FIGN: variants seen among roughly 807,000 people sequenced by gnomAD.
FIGN encodes the protein fidgetin.
FIGN carries 11 observed loss-of-function variants against 51.3 expected under a neutral mutation model. The observed-to-expected ratio is 0.21, with a 90% CI of 0.13 to 0.35. FIGN has a LOEUF of 0.35. Among genes scored for constraint, FIGN ranks in the 10% least tolerant of loss-of-function variants. The pLI, the probability that FIGN is intolerant of heterozygous loss-of-function variation, is 1.00. For missense variants in FIGN, 857 were observed against 943.6 expected (o/e 0.91, Z 1.20); for synonymous variants, 407 against 363.2 (o/e 1.12, Z -1.37).
intron 2 of FIGN, among the ~76,000 whole-genome samples, chr2:163,706,173 C>T (rs1684496479): frequency 1.3e-5 from 2 of 152,234 alleles, no homozygotes; most frequent in East Asian, 1.9e-4. Flanking sequence ...CACTTTATGG[C>T]TCTAATGTTT....
intron 1 of FIGN, among the ~76,000 whole-genome samples, chr2:163,735,469 G>A (rs1301789687): frequency 6.6e-6 from 1 of 152,134 alleles, no homozygotes; most frequent in East Asian, 1.9e-4. Context: ...GTTAGTTCCC[G>A]AAGAAAGTCT....
At chr2:163,680,450 T>A (rs1013023746) in intron 2 of FIGN, among the ~76,000 whole-genome samples, 1 of 152,110 alleles carries the variant, frequency 6.6e-6, no homozygotes, top group Non-Finnish European at 1.5e-5. Context: ...ACAGCCTCAA[T>A]TCTCTGTAGC....
At chr2:163,687,369 A>G (rs1684166972) in intron 2 of FIGN, among the ~76,000 whole-genome samples, 1 of 152,196 alleles carries the variant, frequency 6.6e-6, no homozygotes, top group African/African-American at 2.4e-5. Context: ...TTTGAGTGCT[A>G]GTTTAGAGAG....
At position 163,608,276 on chromosome 2, in the gene FIGN, AGTTGGTTTGTTG is replaced by A. The variant is rs1171067768; in HGVS notation, c.*1264_*1275del. The A allele has an allele frequency of 1.3e-5, 2 of 152,670 alleles. No individual in the cohort carries two copies. Among genetic ancestry groups the A allele is most frequent in the South Asian group, 4.1e-4 (2 of 4,824 alleles). 9.5% of individuals were successfully genotyped at this position (152,670 alleles called of 1,614,324 possible). A position where few individuals can be genotyped will look rare whatever the true frequency, so the allele number is the denominator to read the frequency against. ...TTGTGGATATATATATGTGTATGTA[AGTTGGTTTGTTG>A]GTTGGTTTTTGTTTTTATTTATTTG... is the stretch of plus-strand genomic sequence containing the variant. On this transcript the variant is annotated 3_prime_UTR_variant, in exon 3 of 3. Coordinates refer to ENST00000333129, the MANE Select transcript of FIGN (RefSeq NM_018086.4).
intron 2 of FIGN, among the ~76,000 whole-genome samples, chr2:163,648,463 T>A (rs1432857773): frequency 6.6e-6 from 1 of 152,200 alleles, no homozygotes; most frequent in Non-Finnish European, 1.5e-5. Flanking sequence ...TTTCCTGTCA[T>A]TAGGGATTTA....
At chr2:163,652,057 A>G (rs889385481) in intron 2 of FIGN, among the ~76,000 whole-genome samples, 1 of 152,148 alleles carries the variant, frequency 6.6e-6, no homozygotes, top group Non-Finnish European at 1.5e-5. Context: ...AAACTTTGTT[A>G]ATGACTACTT....
chr2:163,628,530 C>T (rs1024578529), intron 2 of FIGN, among the ~76,000 whole-genome samples: 3 of 152,044 alleles, frequency 2.0e-5, no homozygotes, highest in African/African-American at 7.2e-5. Flanking sequence ...ATCCTACTGC[C>T]AACATAAAGT....
intron 2 of FIGN, among the ~76,000 whole-genome samples, chr2:163,696,424 C>T (rs1342281048): frequency 1.3e-5 from 2 of 152,064 alleles, no homozygotes; most frequent in Non-Finnish European, 2.9e-5. Flanking sequence ...ACCTCACAAT[C>T]GTTTACTTAT....
Position 163,610,196 on chromosome 2 carries a change from T to G in FIGN, c.1636A>C (p.Thr546Pro), listed in dbSNP as rs1691208272. Residue 546 changes from threonine (T) to proline (P), a missense_variant, in exon 3 of 3, where the codon ACA (threonine) becomes CCA (proline). Physicochemically the swap from Thr to Pro is conservative, Grantham distance 38. Transcript: ENST00000333129. ...GRCIASQLGATFFKIAGSGLV... is the reference protein window; with the variant it reads ...GRCIASQLGAPFFKIAGSGLV... ...CCAGAACCGGCAATTTTGAAAAATG[T>G]GGCCCCCAGCTGACTAGCGATGCAT... The G allele has an allele frequency of 1.2e-6, 2 of 1,613,998 alleles. No individual in the cohort carries two copies. Among genetic ancestry groups the G allele is most frequent in the Non-Finnish European group, 8.5e-7 (1 of 1,180,012 alleles).
At chr2:163,657,067 C>A (rs1683570541) in intron 2 of FIGN, among the ~76,000 whole-genome samples, 3 of 147,398 alleles carry the variant, frequency 2.0e-5, no homozygotes, top group Admixed American at 1.4e-4. Flanking sequence ...CTGTATTTTT[C>A]TTTTGTCCTC....
chr2:163,670,311 G>T (rs981214430), intron 2 of FIGN, among the ~76,000 whole-genome samples: 20 of 151,934 alleles, frequency 1.3e-4, no homozygotes, highest in African/African-American at 4.6e-4. Flanking sequence ...AATGAGTGTT[G>T]GTCACTTAGA....
At position 163,604,936 on chromosome 2, in the gene FIGN, C is replaced by CTTTTTTTTTTTTTTTTT. The variant is rs71410075; in HGVS notation, c.*4599_*4615dup. On this transcript the variant is annotated 3_prime_UTR_variant, in exon 3 of 3. Coordinates refer to ENST00000333129, the MANE Select transcript of FIGN (RefSeq NM_018086.4). Reference sequence around the variant, plus strand: ...TTTTAAGCCCAGAAATAAACTTTTGCTTTTTTTTTTTTTTTTTTTGTATCA... The same window carrying CTTTTTTTTTTTTTTTTT: ...TTTTAAGCCCAGAAATAAACTTTTGCTTTTTTTTTTTTTTTTTTTTTTTTTTTTTTTTTTTTGTATCA... 6 of 94,258 alleles carry CTTTTTTTTTTTTTTTTT rather than the reference C, an allele frequency of 6.4e-5. No individual in the cohort carries two copies. The highest frequency in any genetic ancestry group is 1.1e-4 in the Non-Finnish European group (6 of 53,126). The allele number at this position is 94,258 out of a possible 1,614,324, so 5.8% of individuals were successfully genotyped here. A position where few individuals can be genotyped will look rare whatever the true frequency, so the allele number is the denominator to read the frequency against.
At chr2:163,612,849 T>C (rs16848713) in intron 2 of FIGN, among the ~76,000 whole-genome samples, 21,095 of 151,364 alleles carry the variant, frequency 0.14, 1,771 homozygotes, top group Admixed American at 0.22. Flanking sequence ...AGAGAGATTC[T>C]GGATTCTAAC....
chr2:163,723,711 T>C (rs1002299972), intron 2 of FIGN, among the ~76,000 whole-genome samples: 4 of 152,220 alleles, frequency 2.6e-5, no homozygotes, highest in African/African-American at 9.6e-5. Flanking sequence ...TTTTAAGGAT[T>C]TGAGGTTTCT....
At chr2:163,709,300 G>A (rs1038750302) in intron 2 of FIGN, among the ~76,000 whole-genome samples, 4 of 152,092 alleles carry the variant, frequency 2.6e-5, no homozygotes, top group Admixed American at 2.6e-4. Context: ...CTCCATGCCA[G>A]TTTTTTATGT....
intron 2 of FIGN, among the ~76,000 whole-genome samples, chr2:163,643,462 C>A (rs1024755729): frequency 6.6e-6 from 1 of 151,948 alleles, no homozygotes; most frequent in Admixed American, 6.6e-5. Flanking sequence ...ACTAGCCTGG[C>A]CAACATGGTG....
intron 2 of FIGN, among the ~76,000 whole-genome samples, chr2:163,635,782 G>T (rs1263738203): frequency 6.6e-6 from 1 of 152,010 alleles, no homozygotes; most frequent in Non-Finnish European, 1.5e-5. Flanking sequence ...GTTGCACCAT[G>T]GTAACTTTGA....
intron 2 of FIGN, among the ~76,000 whole-genome samples, chr2:163,664,487 A>G (rs921717525): frequency 2.6e-5 from 4 of 152,212 alleles, no homozygotes; most frequent in African/African-American, 9.6e-5. Context: ...CCAGCCAGCC[A>G]TTAGTTCTTT....
At position 163,629,613 on chromosome 2, in the gene FIGN, T is replaced by A. The variant is rs529294225; in HGVS notation, c.26-17807A>T. On this transcript the variant is annotated intron_variant, in intron 2 of 2. Transcript: ENST00000333129. The stretch of plus-strand genomic sequence containing the variant: ...CTAGCAGGCCAAATCCAGTGTGATA[T>A]CTTCTGTAAATAAAGTTGTATTGGA... Among the ~76,000 whole-genome samples, 3 of 152,230 alleles carry A rather than the reference T, an allele frequency of 2.0e-5. No homozygotes were observed. The East Asian group carries it at 5.8e-4, about 29-fold the overall frequency.
Sources: gnomAD v4.1 joint callset for allele counts (sites outside exome capture counted in the v4.1 genomes callset) on GRCh38, gnomAD v4.1.1 for gene constraint, MANE v1.5 for transcripts, NCBI Gene and HGNC (gene_info 2026-07-23, HGNC 2026-07-21) for gene names.